Variants in MACROD2 observed in about 807,000 individuals in gnomAD.
MACROD2 encodes the protein mono-ADP ribosylhydrolase 2, also known as ADP-ribose glycohydrolase MACROD2.
In MACROD2, 36 loss-of-function variants were observed where a neutral mutation model predicts 70.4. The ratio of observed to expected loss-of-function variants is 0.51; its 90% CI spans 0.39 to 0.68. The LOEUF is 0.68. Among genes scored for constraint, MACROD2 ranks in the 30% least tolerant of loss-of-function variants. MACROD2 has a pLI of 0.00. For synonymous variants in MACROD2, 172 were observed against 178.8 expected, an observed-to-expected ratio of 0.96 and a Z score of 0.30; for missense variants, 496 against 538.4, an observed-to-expected ratio of 0.92 and a Z score of 0.78.
chr20:14,703,623 A>G (rs1043092324), intron 5 of MACROD2, among the ~76,000 whole-genome samples: 55 of 152,212 alleles, frequency 3.6e-4, no homozygotes, highest in African/African-American at 1.2e-3. Context: ...GCTTGAGGCC[A>G]GGAGTTCAAG....
At chr20:15,855,244 G>T (rs1372943138) in intron 8 of MACROD2, among the ~76,000 whole-genome samples, 1 of 152,220 alleles carries the variant, frequency 6.6e-6, no homozygotes, top group African/African-American at 2.4e-5. Flanking sequence ...CCTCTTCAGG[G>T]CCAGTGGATA....
chr20:14,080,442 C>CA (rs61598345), intron 2 of MACROD2, among the ~76,000 whole-genome samples: 3,481 of 64,086 alleles, frequency 0.054, 342 homozygotes, highest in African/African-American at 0.17. Flanking sequence ...AACCCCGTCT[C>CA]AAAAAAAAAA....
chr20:15,189,614 C>A (rs1404263433), intron 5 of MACROD2, among the ~76,000 whole-genome samples: 1 of 152,028 alleles, frequency 6.6e-6, no homozygotes, highest in African/African-American at 2.4e-5. Context: ...TTTTTGATGC[C>A]TCCCTGGCTG....
rs909882102 is a variant in MACROD2, at chr20:14,231,185, T to C, written c.271+145457T>C. Among the ~76,000 whole-genome samples the C allele has an allele frequency of 9.9e-5, 15 of 152,016 alleles. No homozygotes were observed. In the East Asian group the frequency reaches 2.3e-3, roughly 24 times the overall value. ...TAAGTTTTAGGGTACATGTGCACAA[T>C]GTGCAGGTTAGTTACATATGTATAC... On this transcript the variant is annotated intron_variant, in intron 3 of 17. Coordinates refer to ENST00000684519, the MANE Select transcript of MACROD2 (RefSeq NM_001351661.2).
At chr20:14,900,691 T>C (rs761175312) in intron 5 of MACROD2, among the ~76,000 whole-genome samples, 2 of 151,862 alleles carry the variant, frequency 1.3e-5, no homozygotes, top group Non-Finnish European at 2.9e-5. Flanking sequence ...ATTGAGCCCT[T>C]TTTTTTTCTT....
chr20:14,133,763 A>C (rs577330378), intron 3 of MACROD2, among the ~76,000 whole-genome samples: 14 of 152,294 alleles, frequency 9.2e-5, no homozygotes, highest in African/African-American at 3.4e-4. Context: ...TGCTACTCAG[A>C]TATCCCTTCT....
At chr20:15,561,763 T>G (rs2048247666) in intron 8 of MACROD2, among the ~76,000 whole-genome samples, 1 of 152,166 alleles carries the variant, frequency 6.6e-6, no homozygotes, top group African/African-American at 2.4e-5. Flanking sequence ...GAAAAGCTGC[T>G]GCTTTTTCTT....
intron 8 of MACROD2, among the ~76,000 whole-genome samples, chr20:15,705,501 C>T (rs1301043169): frequency 2.0e-5 from 3 of 152,150 alleles, no homozygotes; most frequent in Non-Finnish European, 4.4e-5. Context: ...CTCACTGGAA[C>T]CTCGGCCTCC....
intron 10 of MACROD2, among the ~76,000 whole-genome samples, chr20:15,919,301 C>CA (rs2065366438): frequency 6.6e-6 from 1 of 152,174 alleles, no homozygotes; most frequent in South Asian, 2.1e-4. Context: ...ACTCTGCCAC[C>CA]AGGAGAGAGG....
chr20:15,851,619 T>G (rs1434334686), intron 8 of MACROD2, among the ~76,000 whole-genome samples: 1 of 152,202 alleles, frequency 6.6e-6, no homozygotes, highest in Admixed American at 6.5e-5. Flanking sequence ...AGTCACATTC[T>G]GAGATACTGG....
chr20:15,370,035 A>G (rs1293219481), intron 6 of MACROD2, among the ~76,000 whole-genome samples: 1 of 152,168 alleles, frequency 6.6e-6, no homozygotes, highest in Non-Finnish European at 1.5e-5. Flanking sequence ...ATGCATGCCA[A>G]GATGAAACTA....
At chr20:14,134,200 C>CT (rs1158667493) in intron 3 of MACROD2, among the ~76,000 whole-genome samples, 1 of 152,004 alleles carries the variant, frequency 6.6e-6, no homozygotes, top group Non-Finnish European at 1.5e-5. Context: ...GAACCTACAG[C>CT]TTATTTATGA....
At position 15,138,041 on chromosome 20, in the gene MACROD2, A is replaced by G. The variant is rs566154181; in HGVS notation, c.419-91899A>G. ...CCAAACTAATCAATATTGACTGACA[A>G]TATCAATCAGTTAGTAAAATAATTG... On this transcript the variant is annotated intron_variant, in intron 5 of 17. Coordinates refer to ENST00000684519, the MANE Select transcript of MACROD2 (RefSeq NM_001351661.2). Among the ~76,000 whole-genome samples the G allele has an allele frequency of 2.6e-5, 4 of 152,264 alleles. No individual in the cohort carries two copies. The South Asian group carries it at 8.3e-4, about 32-fold the overall frequency.
chr20:15,351,668 T>G (rs892606411), intron 6 of MACROD2, among the ~76,000 whole-genome samples: 2 of 152,188 alleles, frequency 1.3e-5, no homozygotes, highest in Non-Finnish European at 2.9e-5. Flanking sequence ...ATTATCAACC[T>G]GAAGGTGTTT....
chr20:15,784,278 T>C (rs1246370696), intron 8 of MACROD2, among the ~76,000 whole-genome samples: 1 of 152,152 alleles, frequency 6.6e-6, no homozygotes. Flanking sequence ...AACAAGTGCC[T>C]GGTAGCTCAT....
chr20:14,464,821 T>C (rs1210794616), intron 3 of MACROD2, among the ~76,000 whole-genome samples: 5 of 152,058 alleles, frequency 3.3e-5, no homozygotes, highest in Non-Finnish European at 5.9e-5. Context: ...GCAGGTTGTT[T>C]AGTTTCCATG....
intron 3 of MACROD2, among the ~76,000 whole-genome samples, chr20:14,278,255 T>C (rs1421848231): frequency 1.3e-5 from 2 of 152,242 alleles, no homozygotes; most frequent in African/African-American, 4.8e-5. Context: ...GTATTGTTTC[T>C]TTCAAAGGTA....
At chr20:15,977,356 G>A (rs896371357) in intron 13 of MACROD2, among the ~76,000 whole-genome samples, 12 of 152,144 alleles carry the variant, frequency 7.9e-5, no homozygotes, top group African/African-American at 2.7e-4. Flanking sequence ...AGATTATCTC[G>A]TTCCACAGCC....
chr20:14,826,562 T>C (rs2072905142), intron 5 of MACROD2, among the ~76,000 whole-genome samples: 1 of 152,136 alleles, frequency 6.6e-6, no homozygotes. Flanking sequence ...GCAGAATTCG[T>C]GTATCTATTG....
Sources: gnomAD v4.1 joint callset for allele counts (sites outside exome capture counted in the v4.1 genomes callset) on GRCh38, gnomAD v4.1.1 for gene constraint, MANE v1.5 for transcripts, NCBI Gene and HGNC (gene_info 2026-07-23, HGNC 2026-07-21) for gene names.